The following TSPAN14 variants were observed in gnomAD, a reference collection of about 807,000 sequenced individuals.
The protein encoded by TSPAN14 is tetraspanin 14, also known as tetraspanin-14.
A neutral mutation model predicts 36.6 loss-of-function variants in TSPAN14; 16 were observed. That is an observed-to-expected ratio of 0.44 (90% confidence interval 0.30 to 0.66). TSPAN14 has a LOEUF of 0.66. Ranked by LOEUF, TSPAN14 falls within the 30% of genes least tolerant of loss-of-function variation. The pLI is 0.12. For synonymous variants in TSPAN14, 139 were observed against 143.8 expected (o/e 0.97, Z 0.24); for missense variants, 231 against 355.1 (o/e 0.65, Z 2.81).
chr10:80,474,488 T>C (rs1196008404), intron 1 of TSPAN14, among the ~76,000 whole-genome samples: 1 of 150,434 alleles, frequency 6.6e-6, no homozygotes, highest in Non-Finnish European at 1.5e-5. Context: ...AGGGGAGGTA[T>C]TGGAGCGTGA....
intron 8 of TSPAN14, 61 bp from the exon 9 acceptor site, chr10:80,517,844 T>C (rs1021618753): frequency 2.6e-6 from 4 of 1,512,232 alleles, no homozygotes; most frequent in Admixed American, 2.0e-5. Flanking sequence ...CACCCTCCGC[T>C]CCCTGCCCTC....
chr10:80,490,331 G>A (rs553846632), intron 2 of TSPAN14, among the ~76,000 whole-genome samples: 1 of 152,294 alleles, frequency 6.6e-6, no homozygotes, highest in East Asian at 1.9e-4. Context: ...TGGACCAGAT[G>A]AGAGCATGGA....
At chr10:80,512,964 C>A (rs1358504160) in intron 6 of TSPAN14, among the ~76,000 whole-genome samples, 1 of 152,128 alleles carries the variant, frequency 6.6e-6, no homozygotes, top group Non-Finnish European at 1.5e-5. Flanking sequence ...GGTGCGATCT[C>A]AGCTCACTGT....
At chr10:80,461,107 G>A (rs193073427) in intron 1 of TSPAN14, among the ~76,000 whole-genome samples, 241 of 152,206 alleles carry the variant, frequency 1.6e-3, no homozygotes, top group Non-Finnish European at 1.7e-3. Flanking sequence ...CCTCCTCCAT[G>A]AGTGAGGCTC....
At chr10:80,522,479 C>G (rs1328154728) in exon 9 of TSPAN14, 1 of 152,044 alleles carries the variant, frequency 6.6e-6, no homozygotes, top group African/African-American at 2.4e-5. Flanking sequence ...CCACTGCGCT[C>G]CGGCCTGGGT....
intron 1 of TSPAN14, among the ~76,000 whole-genome samples, chr10:80,487,906 G>C (rs921140256): frequency 6.6e-6 from 1 of 152,292 alleles, no homozygotes; most frequent in East Asian, 1.9e-4. Flanking sequence ...CACAGGTTCC[G>C]TTTCCAGAGG....
At chr10:80,511,808 CTCTT>C (rs1277733041) in intron 5 of TSPAN14, among the ~76,000 whole-genome samples, 3 of 139,998 alleles carry the variant, frequency 2.1e-5, no homozygotes, top group East Asian at 2.2e-4. Flanking sequence ...CTTTCTCTCT[CTCTT>C]TCCTTTCTTT....
intron 8 of TSPAN14, 32 bp from the exon 9 acceptor site, chr10:80,517,873 A>G (rs1269366072): frequency 1.3e-6 from 2 of 1,552,412 alleles, no homozygotes; most frequent in Admixed American, 2.0e-5. Flanking sequence ...GGCCCCAGCA[A>G]TGGCCGCTGA....
In TSPAN14 at chr10:80,509,720, A is replaced by C. The variant is rs1589297923; in HGVS notation, c.450+249A>C. 5.3e-5 allele frequency: 25 copies of C among 473,192 alleles called. No individual in the cohort carries two copies. Among genetic ancestry groups the C allele is most frequent in the South Asian group, 7.9e-5 (3 of 38,104 alleles). The allele number at this position is 473,192 out of a possible 1,614,324, so 29.3% of individuals were successfully genotyped here. ...AGTCCAGCTGTACCCGAGGCCACCC[A>C]CCCCCCACGTGCCCGGCCCTCCTCT... On this transcript the variant is annotated intron_variant, in intron 5 of 8. Transcript: ENST00000429989. The surrounding 1 kb of genome is among the most constrained non-coding windows in gnomAD (Gnocchi z 4.7).
intron 1 of TSPAN14, chr10:80,463,241 C>T (rs1296987496): frequency 6.6e-6 from 1 of 152,150 alleles, no homozygotes; most frequent in Non-Finnish European, 1.5e-5. Context: ...TGCCTGCAGA[C>T]AGCTACGGGT....
intron 1 of TSPAN14, among the ~76,000 whole-genome samples, chr10:80,471,439 A>G (rs1166735347): frequency 1.3e-5 from 2 of 152,132 alleles, no homozygotes; most frequent in Non-Finnish European, 2.9e-5. Flanking sequence ...CATTGGGAAT[A>G]CTAGTGTAGA....
At chr10:80,480,275 T>C (rs895389042) in intron 1 of TSPAN14, among the ~76,000 whole-genome samples, 8 of 151,864 alleles carry the variant, frequency 5.3e-5, no homozygotes, top group African/African-American at 1.9e-4. Flanking sequence ...CCTAATTGAA[T>C]ACCCTTTATT....
chr10:80,510,224 G>T (rs1433451439), intron 5 of TSPAN14, among the ~76,000 whole-genome samples: 1 of 152,140 alleles, frequency 6.6e-6, no homozygotes, highest in Non-Finnish European at 1.5e-5. Context: ...CTTTTCATGT[G>T]GAACACTTTG....
At chr10:80,494,808 C>G (rs898640835) in intron 2 of TSPAN14, among the ~76,000 whole-genome samples, 2 of 152,190 alleles carry the variant, frequency 1.3e-5, no homozygotes, top group Admixed American at 1.3e-4. Context: ...GTTTTCACTG[C>G]TGGGAAGATG....
exon 9 of TSPAN14, chr10:80,521,471 G>A (rs1162515480): frequency 6.6e-6 from 1 of 152,554 alleles, no homozygotes; most frequent in Non-Finnish European, 1.5e-5. Flanking sequence ...TCGGTCCACA[G>A]AACCACGGTT....
intron 2 of TSPAN14, among the ~76,000 whole-genome samples, chr10:80,502,894 C>A (rs911025415): frequency 6.6e-6 from 1 of 151,790 alleles, no homozygotes; most frequent in Non-Finnish European, 1.5e-5. Context: ...GAGTGAGGCC[C>A]ACCAGCATCT....
intron 1 of TSPAN14, among the ~76,000 whole-genome samples, chr10:80,455,527 C>T (rs1845696299): frequency 6.6e-6 from 1 of 152,100 alleles, no homozygotes; most frequent in Non-Finnish European, 1.5e-5. Flanking sequence ...AAGTAGCCTT[C>T]CCCTTGCCCC....
At chr10:80,468,377 A>G (rs1846355770) in intron 1 of TSPAN14, among the ~76,000 whole-genome samples, 1 of 152,216 alleles carries the variant, frequency 6.6e-6, no homozygotes, top group South Asian at 2.1e-4. Context: ...AAATGGGAAT[A>G]AAAATAATCT....
chr10:80,481,259 C>T (rs1297693734), intron 1 of TSPAN14, among the ~76,000 whole-genome samples: 3 of 152,036 alleles, frequency 2.0e-5, no homozygotes, highest in Non-Finnish European at 1.5e-5. Context: ...GTGCACTGGT[C>T]CAGATGGAAG....
Sources: allele counts gnomAD v4.1 joint callset (sites outside exome capture counted in the v4.1 genomes callset), GRCh38; gene constraint gnomAD v4.1.1; non-coding constraint Gnocchi (gnomAD v3.1); transcripts MANE v1.5; gene names NCBI Gene and HGNC (gene_info 2026-07-23, HGNC 2026-07-21).